PFKM: variants seen among roughly 807,000 people sequenced by gnomAD.
PFKM encodes phosphofructokinase, muscle, also known as ATP-dependent 6-phosphofructokinase, muscle type.
Under a neutral mutation model 95.5 loss-of-function variants are expected in PFKM, and 58 were observed. The ratio of observed to expected loss-of-function variants is 0.61; its 90% CI spans 0.49 to 0.76. The LOEUF is 0.76. Among genes scored for constraint, PFKM ranks in the 30% least tolerant of loss-of-function variants. The probability of loss-of-function intolerance (pLI) is 0.00; values close to 1 mark genes in which losing one functional copy is unlikely to be tolerated. For missense variants in PFKM, 678 were observed against 1,005.4 expected, an observed-to-expected ratio of 0.67 and a Z score of 4.40; for synonymous variants, 336 against 357.2, an observed-to-expected ratio of 0.94 and a Z score of 0.67.
In PFKM at chr12:48,131,389, A is replaced by T. The variant is rs755201673; in HGVS notation, c.233A>T (p.Gln78Leu). ...TGGGAGAGCGTTTCGATGATGCTTC[A>T]GCTGGTATGTTCCAGAGAACTCCCT... ...ATWESVSMML[Q>L]LGGTVIGSAR... The change falls in exon 4 of 23, where the codon CAG (glutamine) becomes CTG (leucine). Residue 78 changes from glutamine to leucine, a missense_variant. Coordinates refer to ENST00000359794, the MANE Select transcript of PFKM (RefSeq NM_000289.6). 1.4e-5 allele frequency: 22 copies of T among 1,608,882 alleles called. No homozygotes were observed. The highest frequency in any genetic ancestry group is 1.5e-5 in the Non-Finnish European group (18 of 1,175,268).
Position 48,145,015 on chromosome 12 carries a change from A to G in PFKM, c.1993-16A>G, listed in dbSNP as rs1235040310. The G allele has an allele frequency of 3.2e-6, 5 of 1,568,220 alleles. No individual in the cohort carries two copies. The highest frequency in any genetic ancestry group is 1.7e-5 in the Admixed American group (1 of 59,948). Reference sequence around the variant, plus strand: ...TAGAGTCCTTCCCTCTGTAATTTTTATGTTTCTTTCTCCAGGGTGGGAGCC... The same window carrying G: ...TAGAGTCCTTCCCTCTGTAATTTTTGTGTTTCTTTCTCCAGGGTGGGAGCC... On this transcript the variant is annotated splice_polypyrimidine_tract_variant and intron_variant, in intron 20 of 22. Transcript: ENST00000359794. The surrounding 1 kb of genome is among the most constrained non-coding windows in gnomAD (Gnocchi z 4.3).
chr12:48,107,829 C>T (rs1386558940), intron 2 of PFKM, among the ~76,000 whole-genome samples: 1 of 152,040 alleles, frequency 6.6e-6, no homozygotes, highest in Admixed American at 6.5e-5. Flanking sequence ...TAAATCAAGC[C>T]CTAAGGAAAA....
chr12:48,120,315 A>C (rs780404570), intron 1 of PFKM, among the ~76,000 whole-genome samples: 9 of 152,132 alleles, frequency 5.9e-5, no homozygotes, highest in Non-Finnish European at 1.0e-4. Context: ...ATCTAAGCCG[A>C]TTTTACATTT....
upstream of PFKM, among the ~76,000 whole-genome samples, chr12:48,118,836 A>C (rs113505148): frequency 1.7e-4 from 26 of 152,294 alleles, no homozygotes; most frequent in African/African-American, 6.0e-4. Flanking sequence ...TTTTGAGGCT[A>C]TTCTATAGAA....
chr12:48,115,641 G>GAT (rs1176773471), upstream of PFKM, among the ~76,000 whole-genome samples: 5 of 152,186 alleles, frequency 3.3e-5, no homozygotes. Context: ...GGTCACTGGG[G>GAT]ATATGATGGC....
chr12:48,108,103 AC>A lies in PFKM; in HGVS notation c.116del (p.Pro39GlnfsTer10). 6.3e-7 allele frequency: 1 copy of A among 1,599,374 alleles called. No individual in the cohort carries two copies. The highest frequency in any genetic ancestry group is 8.5e-7 in the Non-Finnish European group (1 of 1,179,676). On this transcript the variant is annotated frameshift_variant, in exon 3 of 25. Transcript: ENST00000340802. LOFTEE classifies it high-confidence loss of function. ...AAGCTTCTACTTCCAGCATGCTCAT[AC>A]CAAAGCCACCACCAAAGACAGACAT...
At position 48,128,259 on chromosome 12, in the gene PFKM, G is replaced by GTCTCTC. The variant is rs112898503; in HGVS notation, c.86-2088_86-2083dup. On this transcript the variant is annotated intron_variant, in intron 2 of 22. Coordinates refer to ENST00000359794, the MANE Select transcript of PFKM (RefSeq NM_000289.6). Reference sequence around the variant, plus strand: ...TTTGTCCCTGTTTCGACTGTACTTTGTCTCTCTCTCTCTCTCTCTCTTTTT... The same window carrying GTCTCTC: ...TTTGTCCCTGTTTCGACTGTACTTTGTCTCTCTCTCTCTCTCTCTCTCTCTCTTTTT... Among the ~76,000 whole-genome samples the GTCTCTC allele has an allele frequency of 6.8e-3, 1,024 of 149,970 alleles. 12 individuals carry two copies. The highest frequency in any genetic ancestry group is 0.021 in the African/African-American group (865 of 40,912).
upstream of PFKM, among the ~76,000 whole-genome samples, chr12:48,115,263 T>C (rs751078265): frequency 6.6e-6 from 1 of 152,232 alleles, no homozygotes; most frequent in Non-Finnish European, 1.5e-5. Flanking sequence ...CACGTGTCCA[T>C]GTGAAGAGAT....
chr12:48,124,519 G>A (rs185632530), intron 2 of PFKM, among the ~76,000 whole-genome samples: 112 of 152,294 alleles, frequency 7.4e-4, no homozygotes, highest in Middle Eastern at 3.4e-3. Flanking sequence ...AAGAGAGAAA[G>A]AAAGGTCAGA....
intron 3 of PFKM, among the ~76,000 whole-genome samples, chr12:48,112,850 C>T (rs1947328800): frequency 1.3e-5 from 2 of 152,054 alleles, no homozygotes; most frequent in African/African-American, 2.4e-5. Flanking sequence ...AGGCTTTAAT[C>T]CTTTTAAAGT....
At chr12:48,123,730 A>G (rs1447428369) in intron 2 of PFKM, among the ~76,000 whole-genome samples, 4 of 152,302 alleles carry the variant, frequency 2.6e-5, no homozygotes, top group South Asian at 2.1e-4. Context: ...CTTTGTATAG[A>G]GCCCTGTCTT....
At chr12:48,110,572 T>C (rs1188682609) in intron 3 of PFKM, among the ~76,000 whole-genome samples, 1 of 152,178 alleles carries the variant, frequency 6.6e-6, no homozygotes, top group African/African-American at 2.4e-5. Flanking sequence ...ACAGAGCTAC[T>C]GGTGCCCAAA....
rs138893744 is a variant in PFKM, at chr12:48,132,922, C to G, written c.292C>G (p.Arg98Gly). The G allele has an allele frequency of 2.5e-6, 4 of 1,614,148 alleles. No homozygotes were observed. The highest frequency in any genetic ancestry group is 3.4e-6 in the Non-Finnish European group (4 of 1,180,018). Reference protein sequence around the residue: ...RCKDFREREGRLRAAYNLVKR... With the variant: ...RCKDFREREGGLRAAYNLVKR... ...CAAGGACTTTCGGGAACGAGAAGGA[C>G]GACTCCGAGCTGCCTACAACCTGGT... The change falls in exon 5 of 23, where the codon CGA becomes GGA. Residue 98 changes from arginine (R) to glycine (G), a missense_variant. Physicochemically the swap from Arg to Gly is moderately radical, Grantham distance 125. Transcript: ENST00000359794.
At position 48,130,443 on chromosome 12, in the gene PFKM, T is replaced by A. The variant is rs1305883480; in HGVS notation, c.159+7T>A. On this transcript the variant is annotated splice_region_variant and intron_variant, in intron 3 of 22. Transcript: ENST00000359794. The stretch of plus-strand genomic sequence containing the variant: ...TGTCTTCTTTGTCCATGAGGTTGGT[T>A]CTGTACTTTGTTCTTCATCATTCTT... 1 of 1,603,386 alleles carries A rather than the reference T, an allele frequency of 6.2e-7. No homozygotes were observed. The highest frequency in any genetic ancestry group is 1.1e-5 in the South Asian group (1 of 90,874).
At chr12:48,135,500 C>T in intron 10 of PFKM, 117 bp downstream of exon 10, 1 of 714,808 alleles carries the variant, frequency 1.4e-6, no homozygotes, top group Non-Finnish European at 2.4e-6. Flanking sequence ...ATTGCCTCTC[C>T]ACCAGCCTTT....
At chr12:48,121,172 A>G (rs755486681) in intron 1 of PFKM, among the ~76,000 whole-genome samples, 9 of 152,224 alleles carry the variant, frequency 5.9e-5, no homozygotes, top group Admixed American at 4.6e-4. Flanking sequence ...TAATAAGGGT[A>G]CAACTATCAC....
chr12:48,115,846 C>T (rs1300695297), upstream of PFKM, among the ~76,000 whole-genome samples: 6 of 152,138 alleles, frequency 3.9e-5, no homozygotes, highest in Non-Finnish European at 8.8e-5. Context: ...AGTTGATGGA[C>T]TTTGGGCTCT....
At chr12:48,126,275 G>C (rs1592684566) in intron 2 of PFKM, among the ~76,000 whole-genome samples, 1 of 152,226 alleles carries the variant, frequency 6.6e-6, no homozygotes. Context: ...GGCTAGGAGA[G>C]CTCAAAGAAT....
intron 2 of PFKM, among the ~76,000 whole-genome samples, chr12:48,124,945 G>T (rs752250676): frequency 1.3e-5 from 2 of 151,902 alleles, no homozygotes; most frequent in Non-Finnish European, 2.9e-5. Context: ...GTTTTGTTTT[G>T]TTTTTTTTCC....
Sources: allele counts gnomAD v4.1 joint callset (sites outside exome capture counted in the v4.1 genomes callset), GRCh38; gene constraint gnomAD v4.1.1; non-coding constraint Gnocchi (gnomAD v3.1); transcripts MANE v1.5; gene names NCBI Gene and HGNC (gene_info 2026-07-23, HGNC 2026-07-21).